Variants in PPP2CB observed in about 807,000 individuals in gnomAD.
PPP2CB encodes the protein protein phosphatase 2 catalytic subunit beta, also known as serine/threonine-protein phosphatase 2A catalytic subunit beta isoform.
In PPP2CB, 18 loss-of-function variants were observed where a neutral mutation model predicts 39.1. The observed-to-expected ratio is 0.46, with a 90% CI of 0.32 to 0.68. The LOEUF is 0.68. Among genes scored for constraint, PPP2CB ranks in the 30% least tolerant of loss-of-function variants. PPP2CB has a pLI of 0.04. For synonymous variants in PPP2CB, 129 were observed against 133.8 expected, an observed-to-expected ratio of 0.96 and a Z score of 0.25; for missense variants, 226 against 396.9, an observed-to-expected ratio of 0.57 and a Z score of 3.66.
chr8:30,808,236 C>A (rs1470715542), intron 1 of PPP2CB, among the ~76,000 whole-genome samples: 2 of 152,094 alleles, frequency 1.3e-5, no homozygotes, highest in South Asian at 4.2e-4. Flanking sequence ...GTAGCTGGGA[C>A]TACAGGCACA....
chr8:30,805,607 C>T (rs568985960), intron 1 of PPP2CB, among the ~76,000 whole-genome samples: 16 of 152,086 alleles, frequency 1.1e-4, no homozygotes, highest in African/African-American at 3.9e-4. Context: ...AAACTACAGC[C>T]TACACACCGT....
Position 30,797,653 on chromosome 8 carries a change from C to A in PPP2CB, c.414G>T (p.Gly138=). Residue 138 remains glycine (G), a synonymous_variant, in exon 3 of 7, where the codon GGG becomes GGT. Coordinates refer to ENST00000221138, the MANE Select transcript of PPP2CB (RefSeq NM_001009552.2). ...GFYDECLRKY[G]NANVWKYFTD... is the part of the protein sequence containing the mutation. ...TAAAATATTTCCAAACGTTGGCATTCCCATACTTTCGCAGACATTCATCAT... is the reference window on the plus strand; with the variant it reads ...TAAAATATTTCCAAACGTTGGCATTACCATACTTTCGCAGACATTCATCAT... The A allele has an allele frequency of 6.2e-7, 1 of 1,613,866 alleles. No individual in the cohort carries two copies. The highest frequency in any genetic ancestry group is 8.5e-7 in the Non-Finnish European group (1 of 1,179,808).
Position 30,793,935 on chromosome 8 carries a change from G to C in PPP2CB, c.720C>G (p.Ala240=). The C allele has an allele frequency of 6.2e-7, 1 of 1,612,906 alleles. No homozygotes were observed. The highest frequency in any genetic ancestry group is 8.5e-7 in the Non-Finnish European group (1 of 1,179,734). ...TACATACCTCCATTACAAGCTGGTG[G>C]GCACGAGAAACCAGTGTGAGACCAT... ...HANGLTLVSR[A]HQLVMEGYNW... The change falls in exon 5 of 7, where the codon GCC becomes GCG. Residue 240 remains alanine (A), a synonymous_variant. Transcript: ENST00000221138.
chr8:30,801,044 ATAAAAAATT>A (rs1806615269), intron 1 of PPP2CB, among the ~76,000 whole-genome samples: 1 of 151,562 alleles, frequency 6.6e-6, no homozygotes, highest in Non-Finnish European at 1.5e-5. Context: ...TCTGGTCTCT[ATAAAAAATT>A]TAAAAAATAG....
chr8:30,801,038 G>GT (rs1806615174), intron 1 of PPP2CB, among the ~76,000 whole-genome samples: 1 of 142,406 alleles, frequency 7.0e-6, no homozygotes, highest in Non-Finnish European at 1.5e-5. Context: ...GAGACCTCTG[G>GT]TCTCTATAAA....
At chr8:30,807,192 C>T (rs1806739759) in intron 1 of PPP2CB, among the ~76,000 whole-genome samples, 1 of 152,126 alleles carries the variant, frequency 6.6e-6, no homozygotes, top group Non-Finnish European at 1.5e-5. Context: ...AATGGACCAC[C>T]AAAGCTGGCA....
intron 6 of PPP2CB, among the ~76,000 whole-genome samples, chr8:30,787,558 T>C (rs1454954630): frequency 6.6e-6 from 1 of 152,160 alleles, no homozygotes; most frequent in Non-Finnish European, 1.5e-5. Context: ...CAGGCTGATC[T>C]TGAATCCTGG....
intron 5 of PPP2CB, chr8:30,793,424 G>A (rs914138275): frequency 2.0e-5 from 3 of 152,434 alleles, no homozygotes; most frequent in African/African-American, 7.2e-5. Flanking sequence ...AGCAAAATTT[G>A]AATAAAGTGT....
chr8:30,786,506 A>ATTTTTTTTTTTTTTTTT, intron 6 of PPP2CB, 199 bp from the exon 7 acceptor site: 8 of 384,860 alleles, frequency 2.1e-5, no homozygotes, highest in African/African-American at 2.1e-5. Context: ...TATGGTGAAA[A>ATTTTTTTTTTTTTTTTT]TTTAAGAAGA....
intron 5 of PPP2CB, among the ~76,000 whole-genome samples, chr8:30,792,576 T>C (rs1312085214): frequency 6.6e-6 from 1 of 151,444 alleles, no homozygotes; most frequent in Non-Finnish European, 1.5e-5. Flanking sequence ...CCTGAGTAGC[T>C]GGGACAATAG....
chr8:30,811,602 C>T (rs1806827713), intron 1 of PPP2CB, among the ~76,000 whole-genome samples: 1 of 151,136 alleles, frequency 6.6e-6, no homozygotes, highest in Non-Finnish European at 1.5e-5. Flanking sequence ...CTCAAGCGAT[C>T]CTCCCGCCTC....
chr8:30,807,497 T>C (rs765569986), intron 1 of PPP2CB, among the ~76,000 whole-genome samples: 8 of 152,228 alleles, frequency 5.3e-5, no homozygotes, highest in African/African-American at 1.9e-4. Flanking sequence ...CAGTTCAATA[T>C]AAAATTTACA....
chr8:30,797,703 GTCGGCTT>G lies in PPP2CB; in HGVS notation c.357_363del (p.Glu119AspfsTer38). On this transcript the variant is annotated frameshift_variant, in exon 3 of 7. Coordinates refer to ENST00000221138, the MANE Select transcript of PPP2CB (RefSeq NM_001009552.2). LOFTEE classifies it high-confidence loss of function. ...TAAAAGCCATATACTTGGGTAATTTGTCGGCTTTCGTGATTTCCTCTCAATATTGTAA... is the reference window on the plus strand; with the variant it reads ...TAAAAGCCATATACTTGGGTAATTTGTCGTGATTTCCTCTCAATATTGTAA... The G allele has an allele frequency of 6.2e-7, 1 of 1,614,046 alleles. No homozygotes were observed. Among genetic ancestry groups the G allele is most frequent in the Non-Finnish European group, 8.5e-7 (1 of 1,179,976 alleles).
chr8:30,806,760 G>A (rs540402659), intron 1 of PPP2CB, among the ~76,000 whole-genome samples: 1 of 152,210 alleles, frequency 6.6e-6, no homozygotes, highest in African/African-American at 2.4e-5. Context: ...AAAAATTTCT[G>A]CAAGATCTTC....
intron 5 of PPP2CB, among the ~76,000 whole-genome samples, chr8:30,792,115 G>A (rs1200608295): frequency 6.6e-6 from 1 of 151,652 alleles, no homozygotes; most frequent in Non-Finnish European, 1.5e-5. Flanking sequence ...GGAGTGCAGT[G>A]GTGCGATCTA....
At chr8:30,794,659 C>A (rs1170788087) in intron 3 of PPP2CB, among the ~76,000 whole-genome samples, 2 of 152,094 alleles carry the variant, frequency 1.3e-5, no homozygotes, top group African/African-American at 4.8e-5. Context: ...TAGCTATTCA[C>A]AGCCTTGATC....
Position 30,786,167 on chromosome 8 carries a change from T to G in PPP2CB, c.*68A>C. 7.5e-7 allele frequency: 1 copy of G among 1,325,722 alleles called. No homozygotes were observed. Among genetic ancestry groups the G allele is most frequent in the Non-Finnish European group, 1.0e-6 (1 of 964,314 alleles). 82.1% of individuals were successfully genotyped at this position (1,325,722 alleles called of 1,614,324 possible). ...ACATAGATTACTGTTGCTTTTTGTT[T>G]TTAAATACATATATTTTAAAAAGCC... On this transcript the variant is annotated 3_prime_UTR_variant, in exon 7 of 7. Coordinates refer to ENST00000221138, the MANE Select transcript of PPP2CB (RefSeq NM_001009552.2).
chr8:30,788,286 A>AGGG (rs1806376347), intron 6 of PPP2CB, among the ~76,000 whole-genome samples: 1 of 151,064 alleles, frequency 6.6e-6, no homozygotes, highest in African/African-American at 2.4e-5. Flanking sequence ...TTTCTGAGAC[A>AGGG]GGGTCTTTGC....
chr8:30,795,084 CG>C (rs1554483570), intron 3 of PPP2CB, among the ~76,000 whole-genome samples: 6 of 150,274 alleles, frequency 4.0e-5, no homozygotes, highest in Non-Finnish European at 5.9e-5. Context: ...GAGAGAATAA[CG>C]TAAGTTTTAA....
Sources: gnomAD v4.1 joint callset for allele counts (sites outside exome capture counted in the v4.1 genomes callset) on GRCh38, gnomAD v4.1.1 for gene constraint, MANE v1.5 for transcripts, NCBI Gene and HGNC (gene_info 2026-07-23, HGNC 2026-07-21) for gene names.